CAMTA1: variants seen among roughly 807,000 people sequenced by gnomAD.
CAMTA1 encodes the protein calmodulin binding transcription activator 1, also known as calmodulin-binding transcription activator 1.
In CAMTA1, 27 loss-of-function variants were observed where a neutral mutation model predicts 170.9. That is an observed-to-expected ratio of 0.16 (90% CI 0.12 to 0.22). The LOEUF (loss-of-function observed/expected upper bound fraction) is 0.22. CAMTA1 is among the 10% of genes least tolerant of loss of function. CAMTA1 has a pLI of 1.00. For synonymous variants in CAMTA1, 833 were observed against 891.5 expected (o/e 0.93, Z 1.17); for missense variants, 1,619 against 2,217.2 (o/e 0.73, Z 5.42).
At chr1:7,147,663 C>T (rs189432260) in intron 4 of CAMTA1, among the ~76,000 whole-genome samples, 4 of 150,998 alleles carry the variant, frequency 2.6e-5, no homozygotes, top group African/African-American at 9.7e-5. Flanking sequence ...CTCAAATATG[C>T]ACCATGCACA....
chr1:7,261,851 C>G (rs1668226059), intron 5 of CAMTA1, among the ~76,000 whole-genome samples: 1 of 152,220 alleles, frequency 6.6e-6, no homozygotes, highest in Non-Finnish European at 1.5e-5. Context: ...TACTGTGTGA[C>G]TTCTTTTTCT....
chr1:7,374,662 C>G (rs2086713131), intron 5 of CAMTA1, among the ~76,000 whole-genome samples: 2 of 152,208 alleles, frequency 1.3e-5, no homozygotes, highest in Non-Finnish European at 2.9e-5. Context: ...TATAAGGAAG[C>G]AGGCGTGCGG....
chr1:7,418,867 G>A lies in CAMTA1; in HGVS notation c.439-48963G>A, dbSNP rs375337444. Among the ~76,000 whole-genome samples the A allele has an allele frequency of 2.8e-3, 430 of 152,116 alleles. 2 individuals are homozygous for A. Among genetic ancestry groups the A allele is most frequent in the Middle Eastern group, 0.01 (3 of 294 alleles). The stretch of plus-strand genomic sequence containing the variant: ...TGGCTCTGCCCTTGCATGCTGCCGG[G>A]ACCCGAATCTGGACCACCATAGCCA... On this transcript the variant is annotated intron_variant, in intron 5 of 22. Coordinates refer to ENST00000303635, the MANE Select transcript of CAMTA1 (RefSeq NM_015215.4).
rs562815698 is a variant in CAMTA1, at chr1:6,971,380, C to T, written c.235-119924C>T. On this transcript the variant is annotated intron_variant, in intron 3 of 22. Transcript: ENST00000303635. The surrounding 1 kb of genome is among the most constrained non-coding windows in gnomAD (Gnocchi z 4.6). Reference sequence around the variant, plus strand: ...ATCGGATTGTATCCGTGTCATTCTGCTGCCACTTTAATGAGGACTGAGAAT... The same window carrying T: ...ATCGGATTGTATCCGTGTCATTCTGTTGCCACTTTAATGAGGACTGAGAAT... Among the ~76,000 whole-genome samples the T allele has an allele frequency of 1.3e-5, 2 of 152,328 alleles. No homozygotes were observed. The highest frequency in any genetic ancestry group is 4.1e-4 in the South Asian group (2 of 4,820).
Position 7,054,582 on chromosome 1 carries a change from G to A in CAMTA1, c.235-36722G>A, listed in dbSNP as rs536913642. On this transcript the variant is annotated intron_variant, in intron 3 of 22. Transcript: ENST00000303635. ...AAGCCCTGGTGGGGCTGTGCATGCCGGTGGTGAGGGGGTCGTACAGGAGAG... is the reference window on the plus strand; with the variant it reads ...AAGCCCTGGTGGGGCTGTGCATGCCAGTGGTGAGGGGGTCGTACAGGAGAG... 6.6e-5 allele frequency among the ~76,000 whole-genome samples: 10 copies of A among 152,332 alleles called. No individual in the cohort carries two copies. In the South Asian group the frequency reaches 8.3e-4, roughly 13 times the overall value.
At position 7,093,414 on chromosome 1, in the gene CAMTA1, C is replaced by A. The variant is rs964406912; in HGVS notation, c.302+2043C>A. Among the ~76,000 whole-genome samples the A allele has an allele frequency of 6.6e-6, 1 of 152,066 alleles. No individual in the cohort carries two copies. Among genetic ancestry groups the A allele is most frequent in the African/African-American group, 2.4e-5 (1 of 41,394 alleles). ...AAGGGTGGCCCTTATCTCAAGCAGC[C>A]GCCAGCCTCTCCTTGCGCCCTTCAC... On this transcript the variant is annotated intron_variant, in intron 4 of 22. Transcript: ENST00000303635. The surrounding 1 kb of genome is among the most constrained non-coding windows in gnomAD (Gnocchi z 4.6).
intron 11 of CAMTA1, among the ~76,000 whole-genome samples, chr1:7,724,716 G>C (rs1319064110): frequency 6.6e-6 from 1 of 151,720 alleles, no homozygotes; most frequent in Non-Finnish European, 1.5e-5. Context: ...CCAGCTACTC[G>C]GGAGGCTGAG....
chr1:6,850,579 A>G (rs773660445), intron 3 of CAMTA1, among the ~76,000 whole-genome samples: 4 of 152,222 alleles, frequency 2.6e-5, no homozygotes, highest in Non-Finnish European at 5.9e-5. Flanking sequence ...ATGATGGACA[A>G]AATTTAAAAC....
chr1:7,046,786 T>C (rs1303676914), intron 3 of CAMTA1, among the ~76,000 whole-genome samples: 1 of 152,212 alleles, frequency 6.6e-6, no homozygotes, highest in Admixed American at 6.5e-5. Context: ...ATTTTTCTTA[T>C]CTGTAAAAAT....
intron 4 of CAMTA1, among the ~76,000 whole-genome samples, chr1:7,126,748 T>C (rs1317997234): frequency 2.6e-5 from 4 of 152,204 alleles, no homozygotes; most frequent in Admixed American, 2.6e-4. Flanking sequence ...CATGCTTTTC[T>C]GTCGCTGCTC....
chr1:7,280,960 A>G (rs1671421131), intron 5 of CAMTA1, among the ~76,000 whole-genome samples: 1 of 152,250 alleles, frequency 6.6e-6, no homozygotes, highest in Non-Finnish European at 1.5e-5. Context: ...TTTCATAAAC[A>G]AGAATCCAAA....
At chr1:7,543,029 T>TA (rs1272014443) in intron 6 of CAMTA1, among the ~76,000 whole-genome samples, 1 of 152,106 alleles carries the variant, frequency 6.6e-6, no homozygotes, top group Non-Finnish European at 1.5e-5. Context: ...TACACCCGGC[T>TA]AATTATTTTT....
intron 5 of CAMTA1, among the ~76,000 whole-genome samples, chr1:7,353,673 C>T (rs1240175035): frequency 6.6e-6 from 1 of 152,100 alleles, no homozygotes; most frequent in Non-Finnish European, 1.5e-5. Flanking sequence ...ATCCACCTGC[C>T]CCAGCCTGCT....
chr1:7,274,362 G>A (rs561296932), intron 5 of CAMTA1, among the ~76,000 whole-genome samples: 6 of 152,258 alleles, frequency 3.9e-5, no homozygotes, highest in African/African-American at 1.4e-4. Flanking sequence ...TCAAGATAAA[G>A]AGAGATATTT....
At chr1:7,441,373 T>TA (rs1394788410) in intron 5 of CAMTA1, 1 of 152,204 alleles carries the variant, frequency 6.6e-6, no homozygotes. Flanking sequence ...ACATTAAGTG[T>TA]CTGCTGTACG....
chr1:7,110,651 T>A (rs1414580437), intron 4 of CAMTA1, among the ~76,000 whole-genome samples: 1 of 152,186 alleles, frequency 6.6e-6, no homozygotes, highest in Non-Finnish European at 1.5e-5. Context: ...TGAATGAGTG[T>A]TCTTAGAAGC....
rs935085087 is a variant in CAMTA1 at position 7,063,571 on chromosome 1, C to A, written c.235-27733C>A. 1.3e-5 allele frequency among the ~76,000 whole-genome samples: 2 copies of A among 152,242 alleles called. No individual in the cohort carries two copies. The highest frequency in any genetic ancestry group is 2.9e-5 in the Non-Finnish European group (2 of 68,044). On this transcript the variant is annotated intron_variant, in intron 3 of 22. Coordinates refer to ENST00000303635, the MANE Select transcript of CAMTA1 (RefSeq NM_015215.4). The surrounding 1 kb of genome is among the most constrained non-coding windows in gnomAD (Gnocchi z 4.3). ...CTGAAGAATTATGGCTATATCTCCT[C>A]CCCTGTAGCCTCCCCTGCTCTGCCC... is the stretch of plus-strand genomic sequence containing the variant.
intron 5 of CAMTA1, among the ~76,000 whole-genome samples, chr1:7,332,124 G>A (rs912391048): frequency 2.0e-4 from 30 of 152,218 alleles, no homozygotes; most frequent in African/African-American, 6.8e-4. Flanking sequence ...AGTGCACCAG[G>A]TCTGGAGAGG....
At chr1:6,817,697 G>A (rs1645996555) in intron 1 of CAMTA1, among the ~76,000 whole-genome samples, 1 of 152,138 alleles carries the variant, frequency 6.6e-6, no homozygotes. Context: ...GCAATAGCAT[G>A]GTCATGGTTC....
Sources: gnomAD v4.1 joint callset for allele counts (sites outside exome capture counted in the v4.1 genomes callset) on GRCh38, gnomAD v4.1.1 for gene constraint, Gnocchi (gnomAD v3.1) non-coding constraint, MANE v1.5 for transcripts, NCBI Gene and HGNC (gene_info 2026-07-23, HGNC 2026-07-21) for gene names.